RAB27A: variants seen among roughly 807,000 people sequenced by gnomAD.
RAB27A encodes ras-related protein Rab-27A.
In RAB27A, 17 loss-of-function variants were observed where a neutral mutation model predicts 20.8. The observed-to-expected ratio is 0.82, with a 90% CI of 0.56 to 1.23. The LOEUF (loss-of-function observed/expected upper bound fraction) is 1.23. RAB27A is among the 50% of genes most tolerant of loss of function. The probability of loss-of-function intolerance (pLI) is 0.00; values close to 1 mark genes in which losing one functional copy is unlikely to be tolerated. For synonymous variants in RAB27A, 85 were observed against 92.8 expected (o/e 0.92, Z 0.48); for missense variants, 277 against 266.7 (o/e 1.04, Z -0.27).
Position 55,244,922 on chromosome 15 carries a change from C to CT in RAB27A, c.-22-9967dup, listed in dbSNP as rs199806583. ...GTTAAAAAGCAGTAGGCTTTTCTTG[C>CT]TTTTTTTGTTTTATTTTGTTTTTGT... On this transcript the variant is annotated intron_variant, in intron 2 of 6. Coordinates refer to ENST00000336787, the MANE Select transcript of RAB27A (RefSeq NM_183235.3). 2.3e-3 allele frequency among the ~76,000 whole-genome samples: 355 copies of CT among 152,178 alleles called. 1 individual carries two copies. The highest frequency in any genetic ancestry group is 7.9e-3 in the African/African-American group (330 of 41,536).
chr15:55,310,464 A>G (rs2055015518), intron 2 of RAB27A, among the ~76,000 whole-genome samples: 1 of 152,186 alleles, frequency 6.6e-6, no homozygotes, highest in Admixed American at 6.5e-5. Context: ...TGGGCCTTCC[A>G]GTCATTCCCT....
At chr15:55,298,930 C>T (rs1566939814) in intron 2 of RAB27A, among the ~76,000 whole-genome samples, 1 of 152,158 alleles carries the variant, frequency 6.6e-6, no homozygotes, top group Non-Finnish European at 1.5e-5. Flanking sequence ...TCTCTTAATC[C>T]CTGAACAATT....
intron 6 of RAB27A, among the ~76,000 whole-genome samples, chr15:55,209,832 ATATGTGTG>A (rs1566896036): frequency 3.2e-5 from 4 of 125,198 alleles, no homozygotes; most frequent in South Asian, 4.6e-4. Context: ...ATATATACAT[ATATGTGTG>A]TACACATATA....
Position 55,253,938 on chromosome 15 carries a change from G to T in RAB27A, c.-23+16227C>A, listed in dbSNP as rs182953870. ...AACATGGATAATTGATAAGTAATAAGTAAGTCTTCAGAAACTATGTTTGAG... is the reference window on the plus strand; with the variant it reads ...AACATGGATAATTGATAAGTAATAATTAAGTCTTCAGAAACTATGTTTGAG... On this transcript the variant is annotated intron_variant, in intron 2 of 6. Coordinates refer to ENST00000336787, the MANE Select transcript of RAB27A (RefSeq NM_183235.3). Among the ~76,000 whole-genome samples the T allele has an allele frequency of 1.7e-3, 259 of 152,300 alleles. 1 individual carries two copies. The highest frequency in any genetic ancestry group is 5.9e-3 in the African/African-American group (245 of 41,584).
intron 3 of RAB27A, among the ~76,000 whole-genome samples, chr15:55,232,428 G>A (rs898139635): frequency 6.6e-6 from 1 of 152,096 alleles, no homozygotes; most frequent in African/African-American, 2.4e-5. Context: ...TCAGCAAAAC[G>A]TATAAGACAC....
intron 2 of RAB27A, among the ~76,000 whole-genome samples, chr15:55,266,292 T>C (rs1337982682): frequency 6.6e-6 from 1 of 152,212 alleles, no homozygotes; most frequent in African/African-American, 2.4e-5. Context: ...GCTGATACCC[T>C]GATCTCAGAC....
chr15:55,214,006 A>T (rs548543969), intron 6 of RAB27A, among the ~76,000 whole-genome samples: 1 of 152,348 alleles, frequency 6.6e-6, no homozygotes, highest in East Asian at 1.9e-4. Context: ...TTTAGAGGAT[A>T]TATGTGTAGG....
rs553316776 is a variant in RAB27A, at chr15:55,234,937, T to G, written c.-3A>C. ...TAATCATAATCTCCATCAGACATAATGAAGAACTCAGTAGTTCACCTGTAA... is the reference window on the plus strand; with the variant it reads ...TAATCATAATCTCCATCAGACATAAGGAAGAACTCAGTAGTTCACCTGTAA... On this transcript the variant is annotated 5_prime_UTR_variant, in exon 3 of 7. Coordinates refer to ENST00000336787, the MANE Select transcript of RAB27A (RefSeq NM_183235.3). 114 of 1,610,848 alleles carry G rather than the reference T, an allele frequency of 7.1e-5. No individual in the cohort carries two copies. The highest frequency in any genetic ancestry group is 4.7e-4 in the South Asian group (43 of 90,932).
chr15:55,279,497 C>A (rs1897959520), intron 1 of RAB27A, among the ~76,000 whole-genome samples: 1 of 152,182 alleles, frequency 6.6e-6, no homozygotes, highest in Non-Finnish European at 1.5e-5. Flanking sequence ...AGCCACTGTT[C>A]TAGGGAGACA....
chr15:55,208,961 G>A (rs186752761), intron 6 of RAB27A, among the ~76,000 whole-genome samples: 2 of 152,274 alleles, frequency 1.3e-5, no homozygotes, highest in East Asian at 3.9e-4. Context: ...AAGGAGAATG[G>A]AATCAGCAAG....
rs1259958061 is a variant in RAB27A, at chr15:55,228,731, A to T, written c.240-19T>A. On this transcript the variant is annotated intron_variant, in intron 4 of 6. Transcript: ENST00000336787. ...ACGAAACCTAGGAACATAAAAGCAG[A>T]ATGGTCAGTTAAACCACGGCCCCAC... The T allele has an allele frequency of 6.4e-7, 1 of 1,565,842 alleles. No homozygotes were observed. Among genetic ancestry groups the T allele is most frequent in the Non-Finnish European group, 8.8e-7 (1 of 1,136,116 alleles).
At chr15:55,247,697 A>T (rs145630944) in intron 2 of RAB27A, among the ~76,000 whole-genome samples, 324 of 152,326 alleles carry the variant, frequency 2.1e-3, no homozygotes, top group African/African-American at 7.4e-3. Context: ...ATGATGAATT[A>T]GAAGCAGCCA....
chr15:55,299,478 C>G (rs1703693275), intron 2 of RAB27A, among the ~76,000 whole-genome samples: 1 of 151,822 alleles, frequency 6.6e-6, no homozygotes, highest in Admixed American at 6.6e-5. Context: ...CCTGTAATCC[C>G]AGCTACTCGG....
chr15:55,228,744 ACCACGGCCCCAC>A, intron 4 of RAB27A, 32 bp from the exon 5 acceptor site: 1 of 1,463,972 alleles, frequency 6.8e-7, no homozygotes, highest in Non-Finnish European at 9.6e-7. Context: ...GGTCAGTTAA[ACCACGGCCCCAC>A]TCCTGAAATA....
intron 2 of RAB27A, among the ~76,000 whole-genome samples, chr15:55,235,941 C>A (rs1896237686): frequency 1.3e-5 from 2 of 152,086 alleles, no homozygotes; most frequent in South Asian, 4.1e-4. Context: ...TGTTCTCACT[C>A]ATATGTAGGA....
chr15:55,318,369 A>T (rs1418763564), intron 1 of RAB27A, among the ~76,000 whole-genome samples: 5 of 149,944 alleles, frequency 3.3e-5, no homozygotes, highest in African/African-American at 1.2e-4. Flanking sequence ...AGTACTGGGA[A>T]TACAGGCGTG....
At chr15:55,261,028 G>C (rs1374499491) in intron 2 of RAB27A, among the ~76,000 whole-genome samples, 1 of 148,018 alleles carries the variant, frequency 6.8e-6, no homozygotes, top group Admixed American at 6.8e-5. Context: ...ATGTTGGGGG[G>C]TTTGGGAGGG....
intron 6 of RAB27A, among the ~76,000 whole-genome samples, chr15:55,207,155 C>T (rs1894691850): frequency 6.6e-6 from 1 of 152,008 alleles, no homozygotes; most frequent in South Asian, 2.1e-4. Context: ...TAAGTATTGC[C>T]AAGGAGAAGA....
chr15:55,253,932 T>C (rs1204661380), intron 2 of RAB27A, among the ~76,000 whole-genome samples: 1 of 152,202 alleles, frequency 6.6e-6, no homozygotes, highest in Non-Finnish European at 1.5e-5. Flanking sequence ...AATTGATAAG[T>C]AATAAGTAAG....
Sources: gnomAD v4.1 joint callset for allele counts (sites outside exome capture counted in the v4.1 genomes callset) on GRCh38, gnomAD v4.1.1 for gene constraint, MANE v1.5 for transcripts, NCBI Gene and HGNC (gene_info 2026-07-23, HGNC 2026-07-21) for gene names.